TRIM71: variants seen among roughly 807,000 people sequenced by gnomAD.
TRIM71 encodes the protein E3 ubiquitin-protein ligase TRIM71.
TRIM71 carries 9 observed loss-of-function variants against 61.2 expected under a neutral mutation model. That is an observed-to-expected ratio of 0.15 (90% CI 0.09 to 0.26). The LOEUF (loss-of-function observed/expected upper bound fraction) is 0.26. Among genes scored for constraint, TRIM71 ranks in the 10% least tolerant of loss-of-function variants. TRIM71 has a pLI of 1.00. For synonymous variants in TRIM71, 645 were observed against 553.2 expected, an observed-to-expected ratio of 1.17 and a Z score of -2.33; for missense variants, 998 against 1,238.7, an observed-to-expected ratio of 0.81 and a Z score of 2.92.
intron 1 of TRIM71, among the ~76,000 whole-genome samples, chr3:32,853,241 C>G (rs374617203): frequency 6.6e-6 from 1 of 151,794 alleles, no homozygotes; most frequent in South Asian, 2.1e-4. Flanking sequence ...CTCAGCCTCC[C>G]GAGTAGCTGG....
intron 1 of TRIM71, among the ~76,000 whole-genome samples, chr3:32,849,989 T>C (rs1696520348): frequency 6.6e-6 from 1 of 152,176 alleles, no homozygotes; most frequent in African/African-American, 2.4e-5. Flanking sequence ...TCAGTGTCTT[T>C]CAAAGCAAGA....
At position 32,897,770 on chromosome 3, in the gene TRIM71, C is replaced by T. The variant is rs572801430; in HGVS notation, c.*5959C>T. 1 of 152,236 alleles carries T rather than the reference C, an allele frequency of 6.6e-6. No individual in the cohort carries two copies. The highest frequency in any genetic ancestry group is 2.4e-5 in the African/African-American group (1 of 41,552). 9.4% of individuals were successfully genotyped at this position (152,236 alleles called of 1,614,324 possible). The stretch of plus-strand genomic sequence containing the variant: ...GTCTCTTTGGACTTTAAAATTGTTC[C>T]TATGCAGCTTATTTTATTTTTGTTT... On this transcript the variant is annotated 3_prime_UTR_variant, in exon 4 of 4. Transcript: ENST00000383763.
intron 1 of TRIM71, among the ~76,000 whole-genome samples, chr3:32,819,633 C>T (rs1696105573): frequency 1.3e-5 from 2 of 152,182 alleles, no homozygotes; most frequent in African/African-American, 2.4e-5. Context: ...CGTGTTCTGG[C>T]CCCTGAATTC....
Position 32,818,167 on chromosome 3 carries a change from G to C in TRIM71, c.87G>C (p.Ser29=), listed in dbSNP as rs898721500. ...CGSPAPLSSN[S]SASSSSSQTS... Reference sequence around the variant, plus strand: ...CGCCGGCGCCGCTCTCCTCCAACTCGTCCGCGTCGTCGTCCTCCTCGCAGA... The same window carrying C: ...CGCCGGCGCCGCTCTCCTCCAACTCCTCCGCGTCGTCGTCCTCCTCGCAGA... Residue 29 remains serine (S), a synonymous_variant, in exon 1 of 4, where the codon TCG becomes TCC. Transcript: ENST00000383763. 1 of 1,603,078 alleles carries C rather than the reference G, an allele frequency of 6.2e-7. No homozygotes were observed. The highest frequency in any genetic ancestry group is 8.5e-7 in the Non-Finnish European group (1 of 1,175,518).
chr3:32,874,963 G>A (rs1696839524), intron 2 of TRIM71, among the ~76,000 whole-genome samples: 1 of 152,154 alleles, frequency 6.6e-6, no homozygotes, highest in Admixed American at 6.5e-5. Context: ...TGGGGTTACA[G>A]GCGCCCGCTG....
chr3:32,867,183 C>G (rs1028719832), intron 1 of TRIM71, among the ~76,000 whole-genome samples: 1 of 152,002 alleles, frequency 6.6e-6, no homozygotes, highest in Non-Finnish European at 1.5e-5. Flanking sequence ...CCCCCTCCCC[C>G]TCCTCTTTTT....
intron 1 of TRIM71, among the ~76,000 whole-genome samples, chr3:32,839,717 G>A (rs913831796): frequency 6.6e-6 from 1 of 151,930 alleles, no homozygotes; most frequent in Non-Finnish European, 1.5e-5. Flanking sequence ...CACTAGCAGG[G>A]TTCAGAATTG....
intron 1 of TRIM71, among the ~76,000 whole-genome samples, chr3:32,829,943 T>TTTC (rs1696250922): frequency 6.7e-6 from 1 of 148,968 alleles, no homozygotes; most frequent in Non-Finnish European, 1.5e-5. Flanking sequence ...TTTTTTTTTT[T>TTTC]TTCGAGATGG....
At chr3:32,841,910 C>T (rs771899392) in intron 1 of TRIM71, among the ~76,000 whole-genome samples, 1 of 152,136 alleles carries the variant, frequency 6.6e-6, no homozygotes, top group Non-Finnish European at 1.5e-5. Context: ...CTCAAGTGAT[C>T]CCCGGCCTCC....
intron 1 of TRIM71, among the ~76,000 whole-genome samples, chr3:32,838,888 C>T (rs1696371026): frequency 6.6e-6 from 1 of 152,154 alleles, no homozygotes; most frequent in Non-Finnish European, 1.5e-5. Flanking sequence ...GCAACCTCCT[C>T]CTCCCGGGTT....
chr3:32,833,183 T>TAA (rs1696293408), intron 1 of TRIM71, among the ~76,000 whole-genome samples: 1 of 39,100 alleles, frequency 2.6e-5, no homozygotes, highest in Non-Finnish European at 6.4e-5. Context: ...AACTCTGTCT[T>TAA]TAAAAAAAAA....
Position 32,890,874 on chromosome 3 carries a change from A to T in TRIM71, c.1670A>T (p.Glu557Val). Residue 557 changes from glutamate (E) to valine (V), a missense_variant, in exon 4 of 4, where the codon GAG becomes GTG. Around this residue, in one of 5 missense-constraint regions of TRIM71, gnomAD observed 291 missense variants for 431.2 expected, o/e 0.67. Transcript: ENST00000383763. This position sits in a 1 kb window ranked among gnomAD's most constrained non-coding sequence, Gnocchi z 6.2. ...TYVVSYRPQLEGEHLVSVTLC... is the reference protein window; with the variant it reads ...TYVVSYRPQLVGEHLVSVTLC... ...GTGGTGAGTTACCGACCCCAGCTGGAGGGTGAGCACCTGGTATCTGTGACA... is the reference window on the plus strand; with the variant it reads ...GTGGTGAGTTACCGACCCCAGCTGGTGGGTGAGCACCTGGTATCTGTGACA... The T allele has an allele frequency of 6.2e-7, 1 of 1,614,172 alleles. No homozygotes were observed. The highest frequency in any genetic ancestry group is 8.5e-7 in the Non-Finnish European group (1 of 1,180,028).
chr3:32,842,286 A>G (rs1696415694), intron 1 of TRIM71, among the ~76,000 whole-genome samples: 2 of 152,220 alleles, frequency 1.3e-5, no homozygotes, highest in African/African-American at 2.4e-5. Flanking sequence ...GAGCCAAACC[A>G]TGGTCTCAAT....
chr3:32,830,212 C>G (rs192486117), intron 1 of TRIM71, among the ~76,000 whole-genome samples: 170 of 152,178 alleles, frequency 1.1e-3, no homozygotes, highest in African/African-American at 3.9e-3. Context: ...TGTGAGCCAC[C>G]GTGTCCAGCC....
At chr3:32,856,305 C>G (rs1696603851) in intron 1 of TRIM71, among the ~76,000 whole-genome samples, 1 of 152,166 alleles carries the variant, frequency 6.6e-6, no homozygotes, top group Admixed American at 6.5e-5. Flanking sequence ...GCGTGAGCCA[C>G]CGCACCTGGC....
At chr3:32,836,492 C>G (rs1220730547) in intron 1 of TRIM71, among the ~76,000 whole-genome samples, 1 of 152,154 alleles carries the variant, frequency 6.6e-6, no homozygotes, top group Admixed American at 6.5e-5. Context: ...TAGTTTGCCT[C>G]CATTTAGTTT....
chr3:32,865,739 A>C (rs1265927012), intron 1 of TRIM71, among the ~76,000 whole-genome samples: 1 of 147,874 alleles, frequency 6.8e-6, no homozygotes, highest in Non-Finnish European at 1.5e-5. Context: ...TCAACTCTGT[A>C]AACAGAATTT....
In TRIM71 at chr3:32,833,184, T is replaced by TAAAAAAA. The variant is rs1182178339; in HGVS notation, c.852+14274_852+14280dup. Among the ~76,000 whole-genome samples, 212 of 54,412 alleles carry TAAAAAAA rather than the reference T, an allele frequency of 3.9e-3. 10 individuals carry two copies. The highest frequency in any genetic ancestry group is 0.021 in the East Asian group (24 of 1,154). The allele number at this position is 54,412 out of a possible 152,430, so 35.7% of individuals were successfully genotyped here. A position where few individuals can be genotyped will look rare whatever the true frequency, so the allele number is the denominator to read the frequency against. On this transcript the variant is annotated intron_variant, in intron 1 of 3. Transcript: ENST00000383763. ...GGTGACAAGAATGAAACTCTGTCTT[T>TAAAAAAA]AAAAAAAAAAAAAAAAAAAAAAAAA...
intron 3 of TRIM71, among the ~76,000 whole-genome samples, chr3:32,887,448 T>C (rs1200753395): frequency 6.6e-6 from 1 of 150,920 alleles, no homozygotes; most frequent in Non-Finnish European, 1.5e-5. Context: ...CTCCAAATCC[T>C]GTGGGGTCCC....
Sources: allele counts gnomAD v4.1 joint callset (sites outside exome capture counted in the v4.1 genomes callset), GRCh38; gene constraint gnomAD v4.1.1; regional missense constraint gnomAD v4.1.1; non-coding constraint Gnocchi (gnomAD v3.1); transcripts MANE v1.5; gene names NCBI Gene and HGNC (gene_info 2026-07-23, HGNC 2026-07-21).